The following REPS1 variants were observed in gnomAD, a reference collection of about 807,000 sequenced individuals.
The protein encoded by REPS1 is ralBP1-associated Eps domain-containing protein 1.
Under a neutral mutation model 100.9 loss-of-function variants are expected in REPS1, and 39 were observed. The observed-to-expected ratio is 0.39, with a 90% confidence interval of 0.30 to 0.50. REPS1 has a LOEUF of 0.50. Among genes scored for constraint, REPS1 ranks in the 20% least tolerant of loss-of-function variants. REPS1 has a pLI of 0.86. For synonymous variants in REPS1, 324 were observed against 340.3 expected (o/e 0.95, Z 0.53); for missense variants, 821 against 968.5 (o/e 0.85, Z 2.02).
Position 138,930,115 on chromosome 6 carries a change from G to T in REPS1, c.1136-17C>A. The T allele has an allele frequency of 6.2e-7, 1 of 1,609,586 alleles. No homozygotes were observed. Among genetic ancestry groups the T allele is most frequent in the Non-Finnish European group, 8.5e-7 (1 of 1,176,664 alleles). The stretch of plus-strand genomic sequence containing the variant: ...CCCCAACATCTGCAATTTAAAAATA[G>T]AGAAATTCTCTATAAAGACTACATT... On this transcript the variant is annotated splice_polypyrimidine_tract_variant and intron_variant, in intron 8 of 19. Transcript: ENST00000450536.
intron 1 of REPS1, among the ~76,000 whole-genome samples, chr6:138,961,429 G>C (rs1783734868): frequency 6.6e-6 from 1 of 151,906 alleles, no homozygotes; most frequent in East Asian, 1.9e-4. Context: ...AGTAGAGACG[G>C]GGATCCAGGA....
intron 9 of REPS1, chr6:138,928,396 A>T (rs534641968): frequency 1.3e-5 from 2 of 152,340 alleles, no homozygotes; most frequent in East Asian, 3.9e-4. Flanking sequence ...AAGACAATTA[A>T]AATGTAATCT....
chr6:138,914,773 C>T lies in REPS1; in HGVS notation c.1721-12G>A. On this transcript the variant is annotated splice_polypyrimidine_tract_variant and intron_variant, in intron 14 of 19. Coordinates refer to ENST00000450536, the MANE Select transcript of REPS1 (RefSeq NM_001286611.2). ...AGCCTGTTGTTGTCCTGCATGAATA[C>T]AAAAGTTCTTCTTTTTAGTAACTGT... 3 of 1,607,194 alleles carry T rather than the reference C, an allele frequency of 1.9e-6. No homozygotes were observed. Among genetic ancestry groups the T allele is most frequent in the Non-Finnish European group, 2.5e-6 (3 of 1,177,988 alleles).
chr6:138,923,319 G>GA (rs1413218673), intron 10 of REPS1, among the ~76,000 whole-genome samples: 1 of 151,874 alleles, frequency 6.6e-6, no homozygotes, highest in African/African-American at 2.4e-5. Context: ...GATCAAAGGA[G>GA]AAAAAAATGA....
intron 1 of REPS1, 84 bp from the exon 2 acceptor site, chr6:138,947,997 C>G (rs558799302): frequency 2.3e-4 from 292 of 1,265,096 alleles, no homozygotes; most frequent in Non-Finnish European, 2.9e-4. Context: ...TTGTTTGTAA[C>G]GTCTCAAAAT....
Position 138,944,527 on chromosome 6 carries a change from G to A in REPS1, c.724C>T (p.Leu242Phe). The change falls in exon 5 of 20, where the codon CTT (leucine) becomes TTT (phenylalanine). Residue 242 changes from leucine to phenylalanine, a missense_variant. Physicochemically the swap from Leu to Phe is conservative, Grantham distance 22 (BLOSUM62 0). This residue lies in a region of REPS1 where 757 missense variants were observed against 866.4 expected (regional missense o/e 0.87). Transcript: ENST00000450536. ...ACAGAAGCAGGATGCATGGTTAAAA[G>A]AGTACTGGTTGGTGGAGTATCTGCA... Reference protein sequence around the residue: ...SFADTPPTSTLLTMHPASVQD... With the variant: ...SFADTPPTSTFLTMHPASVQD... 1.4e-5 allele frequency: 22 copies of A among 1,614,138 alleles called. No individual in the cohort carries two copies. Among genetic ancestry groups the A allele is most frequent in the Non-Finnish European group, 1.9e-5 (22 of 1,179,974 alleles).
intron 8 of REPS1, among the ~76,000 whole-genome samples, chr6:138,932,427 T>C (rs993397383): frequency 3.3e-5 from 5 of 151,780 alleles, no homozygotes; most frequent in African/African-American, 9.7e-5. Flanking sequence ...ATATAGTTAT[T>C]GTATTCTTCA....
chr6:138,974,409 G>A (rs1784491554), intron 1 of REPS1, among the ~76,000 whole-genome samples: 1 of 152,206 alleles, frequency 6.6e-6, no homozygotes, highest in Non-Finnish European at 1.5e-5. Flanking sequence ...TGAAGAGGTA[G>A]GCTAGATTCT....
intron 7 of REPS1, 137 bp from the exon 8 acceptor site, chr6:138,941,626 T>C (rs1782254799): frequency 5.1e-6 from 4 of 791,536 alleles, no homozygotes; most frequent in Non-Finnish European, 4.0e-6. Context: ...CACAGAAAGA[T>C]GTGTAATATA....
chr6:138,948,826 A>G (rs1336472792), intron 1 of REPS1, among the ~76,000 whole-genome samples: 1 of 152,248 alleles, frequency 6.6e-6, no homozygotes, highest in African/African-American at 2.4e-5. Flanking sequence ...GAATAAAACT[A>G]TTCACAGGAC....
In REPS1 at chr6:138,918,111, G is replaced by A. The variant is rs538484437; in HGVS notation, c.1529-484C>T. ...TGTATGTTTGTGTGTGTGTGTGTGC[G>A]TGTGTATATTTTTTTGGGGGTTAGA... is the stretch of plus-strand genomic sequence containing the variant. On this transcript the variant is annotated intron_variant, in intron 12 of 19. Transcript: ENST00000450536. Among the ~76,000 whole-genome samples, 9 of 151,970 alleles carry A rather than the reference G, an allele frequency of 5.9e-5. No homozygotes were observed. In the South Asian group the frequency reaches 1.5e-3, roughly 25 times the overall value.
intron 1 of REPS1, among the ~76,000 whole-genome samples, chr6:138,955,861 A>G (rs1783351451): frequency 6.6e-6 from 1 of 152,002 alleles, no homozygotes; most frequent in African/African-American, 2.4e-5. Flanking sequence ...ATAATACACT[A>G]CCTCCTTCAG....
intron 1 of REPS1, among the ~76,000 whole-genome samples, chr6:138,979,198 C>A (rs66882901): frequency 0.28 from 24,992 of 90,258 alleles, 3,325 homozygotes; most frequent in African/African-American, 0.45. Context: ...AAAAAAAAAA[C>A]AAAAAAAAAA....
At chr6:138,914,994 G>T in intron 14 of REPS1, 1 of 492,968 alleles carries the variant, frequency 2.0e-6, no homozygotes, top group Non-Finnish European at 3.5e-6. Flanking sequence ...AGCCCTCCTG[G>T]CATACTCCTG....
At chr6:138,910,376 A>G (rs1045598471) in intron 17 of REPS1, among the ~76,000 whole-genome samples, 2 of 152,076 alleles carry the variant, frequency 1.3e-5, no homozygotes, top group Non-Finnish European at 2.9e-5. Context: ...TTTTTTTGAG[A>G]CAGGGTCTCA....
At chr6:138,973,520 AG>A (rs1217494081) in intron 1 of REPS1, among the ~76,000 whole-genome samples, 1 of 147,454 alleles carries the variant, frequency 6.8e-6, no homozygotes, top group East Asian at 1.9e-4. Flanking sequence ...ACTGGGAATC[AG>A]TCAAAGTCTG....
At chr6:138,906,794 C>A (rs1779680017) in intron 19 of REPS1, among the ~76,000 whole-genome samples, 1 of 152,146 alleles carries the variant, frequency 6.6e-6, no homozygotes, top group Admixed American at 6.5e-5. Context: ...CTACAAAAAC[C>A]AGAATCTTCA....
chr6:138,969,891 T>A (rs1037904566), intron 1 of REPS1, among the ~76,000 whole-genome samples: 1 of 121,426 alleles, frequency 8.2e-6, no homozygotes, highest in African/African-American at 3.4e-5. Flanking sequence ...TTTTAGTAAG[T>A]ACCTCATCTC....
chr6:138,947,701 G>T, intron 2 of REPS1, 89 bp downstream of exon 2: 1 of 1,183,198 alleles, frequency 8.5e-7, no homozygotes, highest in Non-Finnish European at 1.2e-6. Context: ...GCCACTATAA[G>T]ATCAGAAAGA....
Sources: gnomAD v4.1 joint callset for allele counts (sites outside exome capture counted in the v4.1 genomes callset) on GRCh38, gnomAD v4.1.1 for gene constraint, gnomAD v4.1.1 regional missense constraint, MANE v1.5 for transcripts, NCBI Gene and HGNC (gene_info 2026-07-23, HGNC 2026-07-21) for gene names.